The following MKLN1 variants were observed in gnomAD, a reference collection of about 807,000 sequenced individuals.
MKLN1 encodes the protein muskelin 1, also known as muskelin.
In MKLN1, 18 loss-of-function variants were observed where a neutral mutation model predicts 99.0. The observed-to-expected ratio is 0.18, with a 90% CI of 0.13 to 0.27. MKLN1 has a LOEUF of 0.27. Ranked by LOEUF, MKLN1 falls within the 10% of genes least tolerant of loss-of-function variation. The probability of loss-of-function intolerance (pLI) is 1.00; values close to 1 mark genes in which losing one functional copy is unlikely to be tolerated. For missense variants in MKLN1, 621 were observed against 875.9 expected (o/e 0.71, Z 3.67); for synonymous variants, 288 against 293.2 (o/e 0.98, Z 0.18).
chr7:131,391,234 G>C (rs983984501), intron 4 of MKLN1, among the ~76,000 whole-genome samples: 3 of 151,940 alleles, frequency 2.0e-5, no homozygotes, highest in Non-Finnish European at 2.9e-5. Context: ...TTTCATTTAG[G>C]TAAATCGTTA....
rs534427890 is a variant in MKLN1, at chr7:131,260,196, C to A, written c.-179+57222C>A. Among the ~76,000 whole-genome samples the A allele has an allele frequency of 2.6e-5, 4 of 152,212 alleles. No homozygotes were observed. The South Asian group carries it at 6.2e-4, about 24-fold the overall frequency. ...TAGCTGAGACTACAGGCACACGCCA[C>A]CATGCCTGGCTAATTTTTTTTGTAT... On this transcript the variant is annotated intron_variant, in intron 3 of 7. Transcript: ENST00000416992.
At chr7:131,143,902 A>G (rs1795777797) in intron 2 of MKLN1, among the ~76,000 whole-genome samples, 3 of 152,202 alleles carry the variant, frequency 2.0e-5, no homozygotes, top group South Asian at 2.1e-4. Context: ...GGCCAGTTTA[A>G]TAATGCAGGA....
At chr7:131,352,873 G>C (rs1799760524) in intron 1 of MKLN1, among the ~76,000 whole-genome samples, 2 of 152,120 alleles carry the variant, frequency 1.3e-5, no homozygotes, top group Admixed American at 1.3e-4. Flanking sequence ...CATGGTTTCA[G>C]ATTTTAAACT....
chr7:131,228,577 T>C (rs533058781), intron 3 of MKLN1, among the ~76,000 whole-genome samples: 1 of 152,324 alleles, frequency 6.6e-6, no homozygotes, highest in Admixed American at 6.5e-5. Flanking sequence ...CCTCGCTTTC[T>C]TCATCTATAA....
chr7:131,193,921 C>T (rs1796604277), intron 2 of MKLN1, among the ~76,000 whole-genome samples: 1 of 151,798 alleles, frequency 6.6e-6, no homozygotes, highest in South Asian at 2.1e-4. Flanking sequence ...AGCCACAGGA[C>T]CTTGTCCTTT....
chr7:131,257,982 G>A (rs148783867), intron 3 of MKLN1, among the ~76,000 whole-genome samples: 12 of 152,026 alleles, frequency 7.9e-5, no homozygotes, highest in East Asian at 7.7e-4. Flanking sequence ...TCAGCTGGGC[G>A]TGGTGGAGTG....
rs1397096499 is a variant in MKLN1 at position 131,465,180 on chromosome 7, TA to T, written c.1788+776del. Among the ~76,000 whole-genome samples the T allele has an allele frequency of 3.3e-5, 5 of 152,280 alleles. No homozygotes were observed. The East Asian group carries it at 7.7e-4, about 23-fold the overall frequency. On this transcript the variant is annotated intron_variant, in intron 14 of 17. Coordinates refer to ENST00000352689, the MANE Select transcript of MKLN1 (RefSeq NM_013255.5). ...TAACACCAATGAATATAAATGTTTT[TA>T]AAATTTTAGGAAATATTTAAATTTA...
At chr7:131,176,258 A>G (rs1245544658) in intron 2 of MKLN1, among the ~76,000 whole-genome samples, 1 of 152,212 alleles carries the variant, frequency 6.6e-6, no homozygotes, top group Non-Finnish European at 1.5e-5. Context: ...GTACTAATTT[A>G]TGGAAATCTA....
At chr7:131,444,813 G>A (rs1795959345) in intron 11 of MKLN1, among the ~76,000 whole-genome samples, 1 of 149,480 alleles carries the variant, frequency 6.7e-6, no homozygotes, top group Non-Finnish European at 1.5e-5. Context: ...AGTAGTAGTA[G>A]TAGTAGTAGA....
At chr7:131,239,470 CCA>C (rs994468918) in intron 3 of MKLN1, among the ~76,000 whole-genome samples, 9 of 152,060 alleles carry the variant, frequency 5.9e-5, no homozygotes, top group Admixed American at 5.9e-4. Context: ...TAGGTACATG[CCA>C]CACCCAGCTG....
intron 16 of MKLN1, among the ~76,000 whole-genome samples, chr7:131,475,710 T>C (rs1028623204): frequency 3.9e-5 from 6 of 152,138 alleles, no homozygotes; most frequent in Admixed American, 2.0e-4. Flanking sequence ...CTCTGGAGGC[T>C]GAGGTGGGAG....
chr7:131,465,111 G>A (rs889429152), intron 14 of MKLN1, among the ~76,000 whole-genome samples: 1 of 151,994 alleles, frequency 6.6e-6, no homozygotes, highest in African/African-American at 2.4e-5. Flanking sequence ...AATTTAAGGA[G>A]TAAATGAATT....
At chr7:131,478,503 C>A in intron 16 of MKLN1, 120 bp from the exon 17 acceptor site, 1 of 989,050 alleles carries the variant, frequency 1.0e-6, no homozygotes, top group Non-Finnish European at 1.4e-6. Flanking sequence ...ACCTATGTCA[C>A]ACATATGCAG....
intron 3 of MKLN1, among the ~76,000 whole-genome samples, 156 bp downstream of exon 3, chr7:131,387,418 A>C (rs544835608): frequency 2.6e-5 from 4 of 152,124 alleles, no homozygotes; most frequent in Non-Finnish European, 5.9e-5. Flanking sequence ...CTGTGGCTTG[A>C]GTTAGCTTTC....
At chr7:131,138,659 G>T (rs1795686618) in intron 1 of MKLN1, among the ~76,000 whole-genome samples, 1 of 151,930 alleles carries the variant, frequency 6.6e-6, no homozygotes, top group Non-Finnish European at 1.5e-5. Flanking sequence ...TCTGCTTTAA[G>T]CAATATTCAG....
At chr7:131,178,907 A>AT (rs989329800) in intron 2 of MKLN1, among the ~76,000 whole-genome samples, 3 of 152,006 alleles carry the variant, frequency 2.0e-5, no homozygotes, top group Admixed American at 6.5e-5. Context: ...GGTAACTGAT[A>AT]TTTTTTTATT....
intron 15 of MKLN1, 54 bp from the exon 16 acceptor site, chr7:131,470,787 CA>C: frequency 8.8e-7 from 1 of 1,138,030 alleles, no homozygotes; most frequent in Non-Finnish European, 1.3e-6. Flanking sequence ...GTCTGAAAGA[CA>C]TTTCTGATAT....
At chr7:131,420,713 T>C (rs1030304964) in intron 8 of MKLN1, among the ~76,000 whole-genome samples, 11 of 152,204 alleles carry the variant, frequency 7.2e-5, no homozygotes, top group Non-Finnish European at 1.2e-4. Flanking sequence ...CACACAAGTA[T>C]TGTATATACC....
At chr7:131,453,416 G>C (rs997583902) in intron 12 of MKLN1, among the ~76,000 whole-genome samples, 1 of 152,086 alleles carries the variant, frequency 6.6e-6, no homozygotes, top group African/African-American at 2.4e-5. Context: ...CAGAGAGAAA[G>C]AATAGATTAA....
Sources: gnomAD v4.1 joint callset for allele counts (sites outside exome capture counted in the v4.1 genomes callset) on GRCh38, gnomAD v4.1.1 for gene constraint, MANE v1.5 for transcripts, NCBI Gene and HGNC (gene_info 2026-07-23, HGNC 2026-07-21) for gene names.